CDYL: variants seen among roughly 807,000 people sequenced by gnomAD.
The protein encoded by CDYL is chromodomain Y-like protein.
Under a neutral mutation model 47.3 loss-of-function variants are expected in CDYL, and 8 were observed. The ratio of observed to expected loss-of-function variants is 0.17; its 90% CI spans 0.10 to 0.31. The LOEUF is 0.31. CDYL is among the 10% of genes least tolerant of loss of function. The pLI, the probability that CDYL is intolerant of heterozygous loss-of-function variation, is 1.00. For synonymous variants in CDYL, 266 were observed against 265.0 expected (o/e 1.00, Z -0.04); for missense variants, 471 against 701.4 (o/e 0.67, Z 3.71).
intron 1 of CDYL, among the ~76,000 whole-genome samples, chr6:4,866,253 TTTTC>T (rs1419435657): frequency 6.6e-6 from 1 of 152,164 alleles, no homozygotes; most frequent in African/African-American, 2.4e-5. Context: ...AAAGAGATGT[TTTTC>T]TTTGTTTTCT....
At chr6:4,916,870 C>G (rs1030109229) in intron 2 of CDYL, among the ~76,000 whole-genome samples, 2 of 152,212 alleles carry the variant, frequency 1.3e-5, no homozygotes, top group East Asian at 3.9e-4. Context: ...GGAGGCCTGG[C>G]CACGTGCACG....
At chr6:4,943,791 ATTC>A in intron 5 of CDYL, 35 bp downstream of exon 5, 3 of 1,287,868 alleles carry the variant, frequency 2.3e-6, no homozygotes, top group Non-Finnish European at 3.2e-6. Flanking sequence ...AAAAAAAGTC[ATTC>A]TAGAAAGCTT....
At chr6:4,720,738 G>T (rs1003301683) in intron 2 of CDYL, among the ~76,000 whole-genome samples, 1 of 152,190 alleles carries the variant, frequency 6.6e-6, no homozygotes, top group Non-Finnish European at 1.5e-5. Flanking sequence ...GATAACATTT[G>T]AAATTCTGGC....
chr6:4,947,141 G>A (rs1758547670), intron 5 of CDYL, among the ~76,000 whole-genome samples: 1 of 152,214 alleles, frequency 6.6e-6, no homozygotes, highest in South Asian at 2.1e-4. Flanking sequence ...CCCGTTTCAG[G>A]GAAGAGGCGA....
intron 1 of CDYL, among the ~76,000 whole-genome samples, chr6:4,817,380 C>T (rs1433142418): frequency 1.3e-5 from 2 of 151,580 alleles, no homozygotes; most frequent in African/African-American, 4.8e-5. Flanking sequence ...CTGTGAAATT[C>T]CTGGATCAGA....
At position 4,849,380 on chromosome 6, in the gene CDYL, T is replaced by C. The variant is rs369175271; in HGVS notation, c.25-42333T>C. Among the ~76,000 whole-genome samples the C allele has an allele frequency of 1.2e-4, 19 of 152,332 alleles. 1 individual carries two copies. Among genetic ancestry groups the C allele is most frequent in the African/African-American group, 4.3e-4 (18 of 41,588 alleles). ...GAGTCTTTATGAAAACATACCTTAA[T>C]GATTATCTGACAAATGCAAGTGCTT... On this transcript the variant is annotated intron_variant, in intron 1 of 6. Coordinates refer to ENST00000397588, the MANE Select transcript of CDYL (RefSeq NM_004824.4).
At chr6:4,737,309 C>T (rs1442961181) in intron 3 of CDYL, among the ~76,000 whole-genome samples, 2 of 151,720 alleles carry the variant, frequency 1.3e-5, no homozygotes, top group East Asian at 3.9e-4. Context: ...AAAAAAGATG[C>T]AAAACACGTC....
At chr6:4,751,127 T>G (rs1236661445) in intron 3 of CDYL, among the ~76,000 whole-genome samples, 1 of 152,218 alleles carries the variant, frequency 6.6e-6, no homozygotes, top group Non-Finnish European at 1.5e-5. Context: ...AGTGCTGGGA[T>G]TACAGGCGTG....
At chr6:4,947,471 CCT>C (rs1758558411) in intron 5 of CDYL, among the ~76,000 whole-genome samples, 1 of 152,156 alleles carries the variant, frequency 6.6e-6, no homozygotes, top group Admixed American at 6.5e-5. Context: ...AAGTCTCAGC[CCT>C]CTCTGCCTCT....
At chr6:4,776,083 G>C (rs1046274251), upstream of CDYL, among the ~76,000 whole-genome samples, 29 of 150,550 alleles carry the variant, frequency 1.9e-4, no homozygotes, top group South Asian at 8.3e-4. Flanking sequence ...ACGTCGAGGC[G>C]GGCTGGGGGG....
At chr6:4,822,250 C>T (rs757264157) in intron 1 of CDYL, among the ~76,000 whole-genome samples, 14 of 152,120 alleles carry the variant, frequency 9.2e-5, no homozygotes, top group Non-Finnish European at 1.5e-4. Context: ...TCACCCACCT[C>T]AGCCTCCCAA....
At chr6:4,802,248 C>T (rs1432663697) in intron 1 of CDYL, among the ~76,000 whole-genome samples, 9 of 149,998 alleles carry the variant, frequency 6.0e-5, no homozygotes, top group African/African-American at 2.3e-4. Context: ...AAAAAAAAAT[C>T]ACTAATTAGC....
chr6:4,840,562 G>C (rs1172030225), intron 1 of CDYL, among the ~76,000 whole-genome samples: 1 of 152,034 alleles, frequency 6.6e-6, no homozygotes, highest in African/African-American at 2.4e-5. Flanking sequence ...TTTTATTAAA[G>C]TTATGTCCCT....
intron 2 of CDYL, among the ~76,000 whole-genome samples, chr6:4,921,789 C>T (rs1357941496): frequency 6.6e-6 from 1 of 152,060 alleles, no homozygotes; most frequent in African/African-American, 2.4e-5. Context: ...CTCGACATGC[C>T]ATATACTTTT....
chr6:4,792,114 G>C (rs1306548053), intron 1 of CDYL, among the ~76,000 whole-genome samples: 1 of 149,570 alleles, frequency 6.7e-6, no homozygotes, highest in African/African-American at 2.5e-5. Context: ...GGATGGTCTC[G>C]ATCTCCTGAC....
intron 1 of CDYL, among the ~76,000 whole-genome samples, chr6:4,781,577 C>A (rs143438686): frequency 6.6e-6 from 1 of 152,076 alleles, no homozygotes; most frequent in African/African-American, 2.4e-5. Context: ...TTCATTTGCC[C>A]CAGCAGCAGT....
At chr6:4,808,785 G>A (rs1200365305) in intron 1 of CDYL, among the ~76,000 whole-genome samples, 1 of 152,174 alleles carries the variant, frequency 6.6e-6, no homozygotes, top group African/African-American at 2.4e-5. Flanking sequence ...TGGTGTCCCA[G>A]TCAAAATACT....
chr6:4,795,027 C>G (rs191018522), intron 1 of CDYL, among the ~76,000 whole-genome samples: 1 of 151,584 alleles, frequency 6.6e-6, no homozygotes, highest in East Asian at 1.9e-4. Flanking sequence ...CTAGGACCGT[C>G]AAGTACAACG....
chr6:4,731,820 CAA>C (rs538861324), intron 2 of CDYL, among the ~76,000 whole-genome samples: 2 of 120,770 alleles, frequency 1.7e-5, no homozygotes. Flanking sequence ...GACTCTGTCT[CAA>C]AAAAAAAAAA....
Sources: gnomAD v4.1 joint callset for allele counts (sites outside exome capture counted in the v4.1 genomes callset) on GRCh38, gnomAD v4.1.1 for gene constraint, MANE v1.5 for transcripts, NCBI Gene and HGNC (gene_info 2026-07-23, HGNC 2026-07-21) for gene names.